Variants in FRMD3 observed in about 807,000 individuals in gnomAD.
FRMD3 encodes the protein FERM domain containing 3.
In FRMD3, 33 loss-of-function variants were observed where a neutral mutation model predicts 70.2. That is an observed-to-expected ratio of 0.47 (90% CI 0.36 to 0.63). FRMD3 has a LOEUF of 0.63. Ranked by LOEUF, FRMD3 falls within the 20% of genes least tolerant of loss-of-function variation. The pLI is 0.00. For missense variants in FRMD3, 632 were observed against 711.4 expected (o/e 0.89, Z 1.27); for synonymous variants, 279 against 255.9 (o/e 1.09, Z -0.86).
chr9:83,551,172 GT>G, the FRMD3 span, among the ~76,000 whole-genome samples: 1 of 152,140 alleles, frequency 6.6e-6, no homozygotes, highest in African/African-American at 2.4e-5. Flanking sequence ...TTTATTGAGA[GT>G]TTTTAACATG....
intron 13 of FRMD3, chr9:83,266,994 C>A (rs1272764780): frequency 2.3e-5 from 35 of 1,549,268 alleles, no homozygotes; most frequent in Non-Finnish European, 3.0e-5. Flanking sequence ...GGATGACAGC[C>A]CAGGGCACCA....
At chr9:83,363,646 C>T (rs887681533) in intron 3 of FRMD3, among the ~76,000 whole-genome samples, 4 of 151,570 alleles carry the variant, frequency 2.6e-5, no homozygotes, top group South Asian at 2.1e-4. Context: ...CTCCGCCCCC[C>T]GGGGTTCACG....
At chr9:83,399,036 T>C (rs1825879759) in intron 1 of FRMD3, among the ~76,000 whole-genome samples, 1 of 152,166 alleles carries the variant, frequency 6.6e-6, no homozygotes, top group African/African-American at 2.4e-5. Flanking sequence ...CTACACACTA[T>C]GAGAAGATAG....
chr9:83,455,700 G>A (rs904225445), intron 1 of FRMD3, among the ~76,000 whole-genome samples: 1 of 152,074 alleles, frequency 6.6e-6, no homozygotes, highest in Non-Finnish European at 1.5e-5. Flanking sequence ...ACCTAATGTT[G>A]TGATAAGCAA....
At chr9:83,447,100 T>C (rs1006251935) in intron 1 of FRMD3, among the ~76,000 whole-genome samples, 2 of 152,194 alleles carry the variant, frequency 1.3e-5, no homozygotes, top group Non-Finnish European at 2.9e-5. Flanking sequence ...CTCGGCTCAC[T>C]GCAAGCTCTG....
intron 1 of FRMD3, among the ~76,000 whole-genome samples, chr9:83,441,250 G>A (rs1445111194): frequency 6.6e-6 from 1 of 152,100 alleles, no homozygotes; most frequent in African/African-American, 2.4e-5. Context: ...TAGATAATGT[G>A]AATTTTGTTT....
At chr9:83,550,065 G>A in the FRMD3 span, among the ~76,000 whole-genome samples, 30 of 152,160 alleles carry the variant, frequency 2.0e-4, no homozygotes, top group East Asian at 4.8e-3. Flanking sequence ...TTGTCTTCCA[G>A]GATTTTTATA....
the FRMD3 span, among the ~76,000 whole-genome samples, chr9:83,546,060 CAA>C: frequency 3.2e-4 from 31 of 95,706 alleles, no homozygotes; most frequent in Admixed American, 4.5e-4. Context: ...TTTCAGTCTT[CAA>C]AAAAAAAAAA....
At chr9:83,529,494 A>G (rs747311816) in intron 1 of FRMD3, among the ~76,000 whole-genome samples, 57 of 152,230 alleles carry the variant, frequency 3.7e-4, no homozygotes, top group Non-Finnish European at 5.4e-4. Context: ...TATGCAAACT[A>G]TGTATCAATT....
At chr9:83,361,485 T>G (rs959696679) in intron 3 of FRMD3, among the ~76,000 whole-genome samples, 1 of 152,032 alleles carries the variant, frequency 6.6e-6, no homozygotes, top group African/African-American at 2.4e-5. Flanking sequence ...TTGGAAGAAA[T>G]GAATTGTGCA....
intron 1 of FRMD3, among the ~76,000 whole-genome samples, chr9:83,464,951 T>C (rs1038934574): frequency 3.8e-4 from 54 of 142,956 alleles, no homozygotes; most frequent in African/African-American, 1.2e-3. Context: ...ACCCAGGAGA[T>C]TGAGGTTGCA....
chr9:83,357,262 T>TA, intron 3 of FRMD3, among the ~76,000 whole-genome samples: 1 of 60,430 alleles, frequency 1.7e-5, no homozygotes, highest in East Asian at 6.4e-4. Flanking sequence ...TATATATATA[T>TA]ATATATATAT....
chr9:83,440,778 A>G (rs1224910204), intron 1 of FRMD3, among the ~76,000 whole-genome samples: 1 of 152,208 alleles, frequency 6.6e-6, no homozygotes, highest in East Asian at 1.9e-4. Flanking sequence ...TCAGATAGGA[A>G]TAGGGGCCTG....
intron 1 of FRMD3, among the ~76,000 whole-genome samples, chr9:83,402,296 T>C (rs768287929): frequency 2.0e-5 from 3 of 148,572 alleles, no homozygotes; most frequent in African/African-American, 5.0e-5. Context: ...ACGAGATGGC[T>C]ACCCTGAACT....
chr9:83,424,559 G>A (rs1826747607), intron 1 of FRMD3, among the ~76,000 whole-genome samples: 2 of 152,168 alleles, frequency 1.3e-5, no homozygotes, highest in African/African-American at 4.8e-5. Flanking sequence ...ATTCAATGTG[G>A]CTGCATTAGT....
At chr9:83,512,147 G>A (rs1010089420) in intron 1 of FRMD3, among the ~76,000 whole-genome samples, 1 of 152,176 alleles carries the variant, frequency 6.6e-6, no homozygotes, top group Non-Finnish European at 1.5e-5. Context: ...TAAATGAGAT[G>A]AAAGCACAGG....
At chr9:83,426,204 C>T (rs1433473905) in intron 1 of FRMD3, among the ~76,000 whole-genome samples, 1 of 152,220 alleles carries the variant, frequency 6.6e-6, no homozygotes, top group Admixed American at 6.5e-5. Flanking sequence ...GAAAGTGGAA[C>T]CAGCCCTTCA....
the FRMD3 span, among the ~76,000 whole-genome samples, chr9:83,572,445 C>T: frequency 6.6e-6 from 1 of 152,060 alleles, no homozygotes; most frequent in Non-Finnish European, 1.5e-5. Flanking sequence ...AGAGGTGGCA[C>T]CGGGGCCTTG....
rs9314721 is a variant in FRMD3 at position 83,492,231 on chromosome 9, G to C, written c.147+45854C>G. Among the ~76,000 whole-genome samples, 829 of 152,290 alleles carry C rather than the reference G, an allele frequency of 5.4e-3. 13 individuals are homozygous for C. Among genetic ancestry groups the C allele is most frequent in the African/African-American group, 0.019 (793 of 41,564 alleles). ...TTTCCACTAGAACCTAAAACTGATA[G>C]AGTTGACAGCATTAAGATTAAACTA... On this transcript the variant is annotated intron_variant, in intron 1 of 13. Transcript: ENST00000304195.
Sources: gnomAD v4.1 joint callset for allele counts (sites outside exome capture counted in the v4.1 genomes callset) on GRCh38, gnomAD v4.1.1 for gene constraint, MANE v1.5 for transcripts, NCBI Gene and HGNC (gene_info 2026-07-23, HGNC 2026-07-21) for gene names.